TLR3: variants seen among roughly 807,000 people sequenced by gnomAD.
TLR3 encodes the protein toll like receptor 3, also known as toll-like receptor 3.
In TLR3, 43 loss-of-function variants were observed where a neutral mutation model predicts 66.4. That is an observed-to-expected ratio of 0.65 (90% CI 0.51 to 0.83). The LOEUF (loss-of-function observed/expected upper bound fraction) is 0.83, where lower values mean the gene tolerates loss of function less well. Among genes scored for constraint, TLR3 ranks in the 40% least tolerant of loss-of-function variants. TLR3 has a pLI of 0.00. For synonymous variants in TLR3, 397 were observed against 397.2 expected, an observed-to-expected ratio of 1.00 and a Z score of 0.01; for missense variants, 982 against 1,044.6, an observed-to-expected ratio of 0.94 and a Z score of 0.83.
In TLR3 at chr4:186,083,570, G is replaced by A; in HGVS notation, c.1884G>A (p.Lys628=). 1 of 1,613,042 alleles carries A rather than the reference G, an allele frequency of 6.2e-7. No individual in the cohort carries two copies. The highest frequency in any genetic ancestry group is 8.5e-7 in the Non-Finnish European group (1 of 1,179,618). ...ATCTCATAACATCCGTTGAGAAGAA[G>A]GTTTTCGGGCCAGCTTTCAGGAACC... ...QKNLITSVEK[K]VFGPAFRNLT... Residue 628 remains lysine (K), a synonymous_variant, in exon 4 of 5, where the codon AAG becomes AAA. Coordinates refer to ENST00000296795, the MANE Select transcript of TLR3 (RefSeq NM_003265.3). The surrounding 1 kb of genome is among the most constrained non-coding windows in gnomAD (Gnocchi z 4.0).
intron 1 of TLR3, among the ~76,000 whole-genome samples, chr4:186,076,200 A>G (rs1480787493): frequency 6.6e-6 from 1 of 152,188 alleles, no homozygotes; most frequent in East Asian, 1.9e-4. Flanking sequence ...AAACAAAATT[A>G]ACTAAAGAAA....
chr4:186,073,381 A>C (rs2099301833), intron 1 of TLR3, among the ~76,000 whole-genome samples: 1 of 152,096 alleles, frequency 6.6e-6, no homozygotes, highest in Non-Finnish European at 1.5e-5. Context: ...TTAGCCAGGC[A>C]TGGTGGCGCG....
intron 3 of TLR3, among the ~76,000 whole-genome samples, chr4:186,081,131 A>G (rs2099303362): frequency 6.6e-6 from 1 of 152,168 alleles, no homozygotes; most frequent in Admixed American, 6.5e-5. Flanking sequence ...TATTAAATCT[A>G]AAGAGCAGGA....
In TLR3 at chr4:186,082,996, A is replaced by T; in HGVS notation, c.1310A>T (p.Asp437Val). Residue 437 changes from aspartate (D) to valine (V), a missense_variant, in exon 4 of 5, where the codon GAC (aspartate) becomes GTC (valine). Physicochemically the swap from Asp to Val is radical, Grantham distance 152. This residue lies in a region of TLR3 where 666 missense variants were observed against 709.0 expected (regional missense o/e 0.94). Transcript: ENST00000296795. Reference protein sequence around the residue: ...FSWLGHLEVLDLGLNEIGQEL... With the variant: ...FSWLGHLEVLVLGLNEIGQEL... ...TGGTTGGGCCACCTAGAAGTACTTG[A>T]CCTGGGCCTTAATGAAATTGGGCAA... The T allele has an allele frequency of 6.2e-7, 1 of 1,614,176 alleles. No individual in the cohort carries two copies. The highest frequency in any genetic ancestry group is 8.5e-7 in the Non-Finnish European group (1 of 1,180,042).
In TLR3 at chr4:186,084,023, G is replaced by GGAA; in HGVS notation, c.2340_2342dup (p.Glu780dup). On this transcript the variant is annotated inframe_insertion, in exon 4 of 5. Transcript: ENST00000296795. ...GGGAACATTTCTCTTCAATGGAAAA[G>GGAA]GAAGACCAATCTCTCAAATTTTGTC... The GGAA allele has an allele frequency of 6.2e-7, 1 of 1,614,116 alleles. No individual in the cohort carries two copies. The highest frequency in any genetic ancestry group is 8.5e-7 in the Non-Finnish European group (1 of 1,180,028).
At chr4:186,076,589 C>A (rs781350246) in intron 1 of TLR3, 24 bp from the exon 2 acceptor site, 14 of 1,611,072 alleles carry the variant, frequency 8.7e-6, no homozygotes, top group Non-Finnish European at 1.0e-5. Flanking sequence ...GTTGCTCATA[C>A]TTTTTAATGT....
chr4:186,079,077 A>G (rs2099302957), intron 3 of TLR3, 46 bp downstream of exon 3: 2 of 1,501,798 alleles, frequency 1.3e-6, no homozygotes, highest in South Asian at 2.3e-5. Context: ...TTTAAGGTGG[A>G]TAGTCCCTAT....
rs766617542 is a variant in TLR3, at chr4:186,083,872, G to A, written c.2186G>A (p.Arg729Lys). ...IVLLIHFEGW[R>K]ISFYWNVSVH... Reference sequence around the variant, plus strand: ...CTTCTCATCCACTTTGAGGGCTGGAGGATATCTTTTTATTGGAATGTTTCA... The same window carrying A: ...CTTCTCATCCACTTTGAGGGCTGGAAGATATCTTTTTATTGGAATGTTTCA... Residue 729 changes from arginine to lysine, a missense_variant, in exon 4 of 5, where the codon AGG becomes AAG. Transcript: ENST00000296795. This position sits in a 1 kb window ranked among gnomAD's most constrained non-coding sequence, Gnocchi z 4.0. 7 of 1,614,142 alleles carry A rather than the reference G, an allele frequency of 4.3e-6. No homozygotes were observed. In the Admixed American group the frequency reaches 1.2e-4, roughly 27 times the overall value.
chr4:186,084,264 A>G, intron 4 of TLR3, 92 bp downstream of exon 4: 3 of 1,310,110 alleles, frequency 2.3e-6, no homozygotes, highest in South Asian at 2.6e-5. Flanking sequence ...TCTGTTGCCC[A>G]GGCTGGAGTG....
chr4:186,084,895 G>C lies in TLR3; in HGVS notation c.*22G>C. 6.3e-7 allele frequency: 1 copy of C among 1,578,432 alleles called. No individual in the cohort carries two copies. Among genetic ancestry groups the C allele is most frequent in the Non-Finnish European group, 8.7e-7 (1 of 1,150,542 alleles). ...TTAAATTTATTTAAATATTCAATTA[G>C]CAAAGGAGAAACTTTCTCAATTTAA... On this transcript the variant is annotated 3_prime_UTR_variant, in exon 5 of 5. Coordinates refer to ENST00000296795, the MANE Select transcript of TLR3 (RefSeq NM_003265.3).
intron 4 of TLR3, 90 bp from the exon 5 acceptor site, chr4:186,084,555 C>G: frequency 1.2e-6 from 1 of 846,434 alleles, no homozygotes; most frequent in Non-Finnish European, 1.8e-6. Flanking sequence ...GTTTCAGTAA[C>G]AGTTTAAACT....
At chr4:186,074,285 A>C (rs2099302030) in intron 1 of TLR3, among the ~76,000 whole-genome samples, 1 of 152,244 alleles carries the variant, frequency 6.6e-6, no homozygotes, top group Non-Finnish European at 1.5e-5. Context: ...GAGTGCTTAC[A>C]CAGAACTAGG....
At position 186,072,744 on chromosome 4, in the gene TLR3, C is replaced by T. The variant is rs538376751; in HGVS notation, c.-8+3496C>T. On this transcript the variant is annotated intron_variant, in intron 1 of 4. Transcript: ENST00000296795. ...GCCAGTCACCTCCCACCAGCCCCCA[C>T]CTCCAACACTGGGAATTACAATTCA... Among the ~76,000 whole-genome samples the T allele has an allele frequency of 1.3e-4, 20 of 152,340 alleles. No individual in the cohort carries two copies. The South Asian group carries it at 2.5e-3, about 19-fold the overall frequency.
chr4:186,079,980 T>C (rs1327514219), intron 3 of TLR3, among the ~76,000 whole-genome samples: 1 of 152,140 alleles, frequency 6.6e-6, no homozygotes, highest in Admixed American at 6.6e-5. Flanking sequence ...CACAGGAAGA[T>C]TGTCAGTTAT....
In TLR3 at chr4:186,086,805, A is replaced by G. The variant is rs895574213; in HGVS notation, c.*1932A>G. On this transcript the variant is annotated 3_prime_UTR_variant, in exon 5 of 5. Coordinates refer to ENST00000296795, the MANE Select transcript of TLR3 (RefSeq NM_003265.3). ...TAATATATTGATATGTTACTGGTGG[A>G]GAGTGTCCAGGTTCTTGGTGCTTTG... 1 of 152,102 alleles carries G rather than the reference A, an allele frequency of 6.6e-6. No homozygotes were observed. Among genetic ancestry groups the G allele is most frequent in the Non-Finnish European group, 1.5e-5 (1 of 68,038 alleles). The allele number at this position is 152,102 out of a possible 1,614,324, so 9.4% of individuals were successfully genotyped here.
chr4:186,072,445 T>C (rs1417535506), intron 1 of TLR3, among the ~76,000 whole-genome samples: 1 of 152,164 alleles, frequency 6.6e-6, no homozygotes, highest in Non-Finnish European at 1.5e-5. Flanking sequence ...TCCCAGTAGC[T>C]GGGATTACAG....
At chr4:186,074,910 G>A (rs190448416) in intron 1 of TLR3, among the ~76,000 whole-genome samples, 204 of 151,704 alleles carry the variant, frequency 1.3e-3, no homozygotes, top group African/African-American at 4.7e-3. Flanking sequence ...CCACCACGTC[G>A]TGTCCCACTG....
intron 1 of TLR3, among the ~76,000 whole-genome samples, chr4:186,075,952 G>C (rs1363849914): frequency 6.6e-6 from 1 of 152,152 alleles, no homozygotes; most frequent in Non-Finnish European, 1.5e-5. Context: ...TCAAGAGATC[G>C]AGACCATCCT....
In TLR3 at chr4:186,076,956, C is replaced by G; in HGVS notation, c.337C>G (p.Gln113Glu). ...VLNLQHNELS[Q>E]LSDKTFAFCT... Reference sequence around the variant, plus strand: ...GAACCTCCAGCACAATGAGCTATCTCAACTTTCTGATAAAACCTTTGCCTT... The same window carrying G: ...GAACCTCCAGCACAATGAGCTATCTGAACTTTCTGATAAAACCTTTGCCTT... The change falls in exon 2 of 5, where the codon CAA (glutamine) becomes GAA (glutamate). Residue 113 changes from glutamine to glutamate, a missense_variant. Coordinates refer to ENST00000296795, the MANE Select transcript of TLR3 (RefSeq NM_003265.3). 1.2e-6 allele frequency: 2 copies of G among 1,614,194 alleles called. No individual in the cohort carries two copies. The highest frequency in any genetic ancestry group is 4.5e-5 in the East Asian group (2 of 44,882).
Sources: allele counts gnomAD v4.1 joint callset (sites outside exome capture counted in the v4.1 genomes callset), GRCh38; gene constraint gnomAD v4.1.1; regional missense constraint gnomAD v4.1.1; non-coding constraint Gnocchi (gnomAD v3.1); transcripts MANE v1.5; gene names NCBI Gene and HGNC (gene_info 2026-07-23, HGNC 2026-07-21).